CDC14B: variants seen among roughly 807,000 people sequenced by gnomAD.
CDC14B encodes cell division cycle 14B.
Under a neutral mutation model 64.2 loss-of-function variants are expected in CDC14B, and 22 were observed. The observed-to-expected ratio is 0.34, with a 90% CI of 0.24 to 0.49. The LOEUF (loss-of-function observed/expected upper bound fraction) is 0.49. CDC14B is among the 20% of genes least tolerant of loss of function. The pLI, the probability that CDC14B is intolerant of heterozygous loss-of-function variation, is 0.99. For synonymous variants in CDC14B, 191 were observed against 215.8 expected (o/e 0.89, Z 1.01); for missense variants, 498 against 629.9 (o/e 0.79, Z 2.24).
downstream of CDC14B, chr9:96,496,149 T>C: frequency 2.7e-6 from 1 of 375,376 alleles, no homozygotes; most frequent in Non-Finnish European, 5.3e-6. Flanking sequence ...GAGGCCCACC[T>C]AAAGGAAGGC....
chr9:96,604,916 C>T (rs577051430), intron 1 of CDC14B, among the ~76,000 whole-genome samples: 256 of 152,144 alleles, frequency 1.7e-3, no homozygotes, highest in Non-Finnish European at 3.0e-3. Context: ...GTGATCTACC[C>T]GCCTCTGCCT....
chr9:96,558,183 T>C (rs1842733595), intron 4 of CDC14B, among the ~76,000 whole-genome samples: 1 of 152,212 alleles, frequency 6.6e-6, no homozygotes, highest in African/African-American at 2.4e-5. Context: ...GAAGAGAGGT[T>C]GGTTCTTTGG....
chr9:96,523,614 A>G lies in CDC14B; in HGVS notation c.1058T>C (p.Ile353Thr), dbSNP rs1373105333. The G allele has an allele frequency of 1.2e-6, 2 of 1,614,136 alleles. No individual in the cohort carries two copies. Among genetic ancestry groups the G allele is most frequent in the African/African-American group, 1.3e-5 (1 of 75,018 alleles). ...CACCAAAAACTGCTGCTGAGGCCCA[A>G]TCACCGAGCCAGGTCTGCAGATCCT... Reference protein sequence around the residue: ...WVRICRPGSVIGPQQQFLVMK... With the variant: ...WVRICRPGSVTGPQQQFLVMK... The change falls in exon 10 of 14, where the codon ATT (isoleucine) becomes ACT (threonine). Residue 353 changes from isoleucine to threonine, a missense_variant. Physicochemically the swap from Ile to Thr is moderately conservative, Grantham distance 89 (BLOSUM62 -1). Coordinates refer to ENST00000375241, the MANE Select transcript of CDC14B (RefSeq NM_033331.4).
At chr9:96,570,211 T>G (rs925797200) in intron 1 of CDC14B, among the ~76,000 whole-genome samples, 4 of 152,242 alleles carry the variant, frequency 2.6e-5, no homozygotes, top group Admixed American at 2.6e-4. Flanking sequence ...AAATATCTGT[T>G]AAATTTGAAA....
chr9:96,494,943 T>C (rs1564175231), intron 13 of CDC14B, among the ~76,000 whole-genome samples: 2 of 151,038 alleles, frequency 1.3e-5, no homozygotes, highest in Non-Finnish European at 1.5e-5. Flanking sequence ...CATGCCATTC[T>C]CCTGCCTCAG....
rs149333253 is a variant in CDC14B, at chr9:96,522,581, T to C, written c.1268A>G (p.Asn423Ser). ...PEPYSDDDEI[N>S]GVTQGDRLRA... ...AAGTCTATCACCTTGTGTCACTCCATTGATTTCGTCATCATCACTGTACTG... is the reference window on the plus strand; with the variant it reads ...AAGTCTATCACCTTGTGTCACTCCACTGATTTCGTCATCATCACTGTACTG... Residue 423 changes from asparagine (N) to serine (S), a missense_variant, in exon 12 of 14, where the codon AAT (asparagine) becomes AGT (serine). Physicochemically the swap from Asn to Ser is conservative, Grantham distance 46 (BLOSUM62 1). Coordinates refer to ENST00000375241, the MANE Select transcript of CDC14B (RefSeq NM_033331.4). The C allele has an allele frequency of 6.1e-5, 99 of 1,612,456 alleles. No individual in the cohort carries two copies. The highest frequency in any genetic ancestry group is 1.6e-4 in the Middle Eastern group (1 of 6,084).
At chr9:96,533,806 G>A (rs549740702) in intron 9 of CDC14B, 121 bp downstream of exon 9, 65 of 568,548 alleles carry the variant, frequency 1.1e-4, no homozygotes, top group Non-Finnish European at 1.7e-4. Flanking sequence ...AAGGTTTCAC[G>A]GCACTCTAAA....
chr9:96,509,391 C>T (rs1356270145), intron 13 of CDC14B, among the ~76,000 whole-genome samples: 2 of 152,240 alleles, frequency 1.3e-5, no homozygotes, highest in African/African-American at 4.8e-5. Context: ...CAAGTCCTGA[C>T]AGCCAGCTTT....
intron 1 of CDC14B, among the ~76,000 whole-genome samples, chr9:96,603,370 TAAAA>T (rs1035984613): frequency 6.6e-6 from 1 of 151,644 alleles, no homozygotes; most frequent in African/African-American, 2.4e-5. Flanking sequence ...ATGAAAAACT[TAAAA>T]AAAAGAAAGC....
intron 7 of CDC14B, 70 bp downstream of exon 7, chr9:96,539,008 G>A: frequency 1.0e-6 from 1 of 966,474 alleles, no homozygotes; most frequent in South Asian, 1.3e-5. Context: ...AGTTTTATTT[G>A]TCAATTATTC....
chr9:96,514,787 C>A, intron 12 of CDC14B: 3 of 985,488 alleles, frequency 3.0e-6, no homozygotes, highest in Non-Finnish European at 3.6e-6. Flanking sequence ...GACACACCCG[C>A]CTTCTGGGGG....
At chr9:96,568,489 G>A (rs995946087) in intron 1 of CDC14B, among the ~76,000 whole-genome samples, 1 of 152,208 alleles carries the variant, frequency 6.6e-6, no homozygotes, top group Non-Finnish European at 1.5e-5. Flanking sequence ...AAACTCAAGA[G>A]AGTTGGATAA....
At position 96,503,867 on chromosome 9, in the gene CDC14B, A is replaced by G. The variant is rs987990218; in HGVS notation, c.1461-78T>C. The G allele has an allele frequency of 2.7e-6, 3 of 1,113,458 alleles. No homozygotes were observed. The Admixed American group carries it at 5.9e-5, about 22-fold the overall frequency. The allele number at this position is 1,113,458 out of a possible 1,614,324, so 69.0% of individuals were successfully genotyped here. ...GGCAGTTATCAAAGACAAGGAGGGC[A>G]ACATAATAAAAATACTGACATGCTA... On this transcript the variant is annotated intron_variant, in intron 13 of 13. Coordinates refer to ENST00000375241, the MANE Select transcript of CDC14B (RefSeq NM_033331.4).
At chr9:96,579,542 C>T (rs1845012293) in intron 1 of CDC14B, among the ~76,000 whole-genome samples, 2 of 150,780 alleles carry the variant, frequency 1.3e-5, no homozygotes, top group African/African-American at 2.4e-5. Flanking sequence ...GCCAAAATCA[C>T]GCAATGCACT....
intron 1 of CDC14B, among the ~76,000 whole-genome samples, chr9:96,578,963 A>G (rs964252991): frequency 6.6e-6 from 1 of 152,004 alleles, no homozygotes; most frequent in Non-Finnish European, 1.5e-5. Flanking sequence ...GATTACAGGC[A>G]TGTGCCACCA....
intron 4 of CDC14B, among the ~76,000 whole-genome samples, chr9:96,552,235 A>C (rs1031037013): frequency 1.3e-5 from 2 of 152,204 alleles, no homozygotes; most frequent in South Asian, 2.1e-4. Flanking sequence ...AGCGTGTAGG[A>C]GATGGGGATG....
chr9:96,547,016 C>T (rs905935495), intron 5 of CDC14B, among the ~76,000 whole-genome samples: 1 of 151,658 alleles, frequency 6.6e-6, no homozygotes, highest in South Asian at 2.1e-4. Flanking sequence ...GAGCCAAGAT[C>T]GTGCCACTGC....
intron 13 of CDC14B, among the ~76,000 whole-genome samples, chr9:96,495,070 A>G (rs986045150): frequency 9.9e-5 from 15 of 151,468 alleles, no homozygotes; most frequent in Admixed American, 5.9e-4. Flanking sequence ...TCCTGACCTC[A>G]TGATCCACCT....
At chr9:96,575,030 G>A (rs966146862) in intron 1 of CDC14B, among the ~76,000 whole-genome samples, 1 of 152,166 alleles carries the variant, frequency 6.6e-6, no homozygotes, top group Non-Finnish European at 1.5e-5. Context: ...TTATTCGTCA[G>A]AATAAGCTGT....
Sources: gnomAD v4.1 joint callset for allele counts (sites outside exome capture counted in the v4.1 genomes callset) on GRCh38, gnomAD v4.1.1 for gene constraint, MANE v1.5 for transcripts, NCBI Gene and HGNC (gene_info 2026-07-23, HGNC 2026-07-21) for gene names.